FEZ2: variants seen among roughly 807,000 people sequenced by gnomAD.
FEZ2 encodes fasciculation and elongation protein zeta 2.
A neutral mutation model predicts 40.4 loss-of-function variants in FEZ2; 51 were observed. The observed-to-expected ratio is 1.26, with a 90% CI of 1.01 to 1.59. The LOEUF (loss-of-function observed/expected upper bound fraction) is 1.59. Ranked by LOEUF, FEZ2 falls within the 40% of genes most tolerant of loss-of-function variation. FEZ2 has a pLI of 0.00. For missense variants in FEZ2, 640 were observed against 438.3 expected, an observed-to-expected ratio of 1.46 and a Z score of -4.11; for synonymous variants, 242 against 172.0, an observed-to-expected ratio of 1.41 and a Z score of -3.18.
chr2:36,583,071 A>G (rs1249949386), intron 3 of FEZ2, among the ~76,000 whole-genome samples: 1 of 152,210 alleles, frequency 6.6e-6, no homozygotes, highest in East Asian at 1.9e-4. Flanking sequence ...GAAATTCACA[A>G]TATTTTTCTG....
chr2:36,566,602 G>T (rs1040157700), intron 5 of FEZ2, among the ~76,000 whole-genome samples: 8 of 152,202 alleles, frequency 5.3e-5, no homozygotes, highest in Non-Finnish European at 1.0e-4. Flanking sequence ...ACGCTACAGC[G>T]ATCATTACCA....
At chr2:36,554,117 G>A (rs775108729) in intron 7 of FEZ2, 1 of 429,978 alleles carries the variant, frequency 2.3e-6, no homozygotes, top group Non-Finnish European at 4.8e-6. Context: ...CACAACACAT[G>A]CACACAGACA....
At chr2:36,560,397 TC>T (rs1483018416) in intron 5 of FEZ2, among the ~76,000 whole-genome samples, 7 of 152,112 alleles carry the variant, frequency 4.6e-5, no homozygotes, top group Non-Finnish European at 1.0e-4. Flanking sequence ...CTGGCCTTCT[TC>T]CCCCAAAAAT....
chr2:36,564,736 G>C (rs1192028385), intron 5 of FEZ2, among the ~76,000 whole-genome samples: 1 of 152,038 alleles, frequency 6.6e-6, no homozygotes, highest in Non-Finnish European at 1.5e-5. Flanking sequence ...TCTTCTCAGA[G>C]AACAAAACCA....
chr2:36,572,894 A>G (rs371156872), intron 5 of FEZ2, among the ~76,000 whole-genome samples: 13 of 152,162 alleles, frequency 8.5e-5, no homozygotes, highest in South Asian at 8.3e-4. Context: ...GAAAGAGTGT[A>G]TATCATCTAA....
intron 3 of FEZ2, 131 bp downstream of exon 3, chr2:36,583,222 T>C (rs1668802881): frequency 3.3e-6 from 2 of 601,064 alleles, no homozygotes; most frequent in East Asian, 5.5e-5. Flanking sequence ...GAGTTAACTA[T>C]TAAGCCTGTA....
At chr2:36,589,003 T>G (rs1227257546) in intron 2 of FEZ2, among the ~76,000 whole-genome samples, 1 of 152,252 alleles carries the variant, frequency 6.6e-6, no homozygotes, top group Non-Finnish European at 1.5e-5. Flanking sequence ...CATTCTGCAT[T>G]ATTTTAAATA....
intron 6 of FEZ2, 81 bp downstream of exon 6, chr2:36,558,357 A>G: frequency 1.2e-6 from 1 of 823,778 alleles, no homozygotes; most frequent in Non-Finnish European, 1.9e-6. Flanking sequence ...AACACTAACA[A>G]CAAAATCAGC....
In FEZ2 at chr2:36,591,116, A is replaced by T. The variant is rs1053478931; in HGVS notation, c.267-105T>A. On this transcript the variant is annotated intron_variant, in intron 1 of 7. Coordinates refer to ENST00000405912, the MANE Select transcript of FEZ2 (RefSeq NM_005102.3). The stretch of plus-strand genomic sequence containing the variant: ...ACAGCAAATGTCAAAGGAAACAGAG[A>T]AAAACAGACAGCACATTGTTTCTCA... 18 of 714,020 alleles carry T rather than the reference A, an allele frequency of 2.5e-5. No individual in the cohort carries two copies. The African/African-American group carries it at 3.2e-4, about 13-fold the overall frequency. 44.2% of individuals were successfully genotyped at this position (714,020 alleles called of 1,614,324 possible). A position where few individuals can be genotyped will look rare whatever the true frequency, so the allele number is the denominator to read the frequency against.
chr2:36,573,839 C>T (rs995760705), intron 5 of FEZ2, among the ~76,000 whole-genome samples: 2 of 152,218 alleles, frequency 1.3e-5, no homozygotes, highest in African/African-American at 2.4e-5. Context: ...TATTCAAAAG[C>T]TCTTAATATC....
At chr2:36,554,141 A>T (rs1667894206) in intron 7 of FEZ2, 4 of 455,620 alleles carry the variant, frequency 8.8e-6, no homozygotes, top group Non-Finnish European at 1.8e-5. Flanking sequence ...CATCAGAAGC[A>T]GGTACAGTAT....
At chr2:36,585,105 G>A (rs57670037) in intron 2 of FEZ2, among the ~76,000 whole-genome samples, 61,329 of 150,776 alleles carry the variant, frequency 0.41, 12,755 homozygotes, top group East Asian at 0.63. Flanking sequence ...TCCAGGGAGG[G>A]AAAAAAAAAT....
intron 2 of FEZ2, among the ~76,000 whole-genome samples, chr2:36,584,417 T>G (rs1668841266): frequency 6.6e-6 from 1 of 152,154 alleles, no homozygotes; most frequent in African/African-American, 2.4e-5. Context: ...CACACCAATA[T>G]AAACAGCCTT....
chr2:36,590,884 G>A lies in FEZ2; in HGVS notation c.375+19C>T, dbSNP rs1669051486. The A allele has an allele frequency of 7.6e-7, 1 of 1,322,080 alleles. No individual in the cohort carries two copies. The highest frequency in any genetic ancestry group is 1.1e-6 in the Non-Finnish European group (1 of 914,064). The allele number at this position is 1,322,080 out of a possible 1,614,324, so 81.9% of individuals were successfully genotyped here. ...CAGCATCAGTTATTCAAACACTATT[G>A]GTTCAATTCCTAACTTACCCCTTTT... On this transcript the variant is annotated intron_variant, in intron 2 of 7. Transcript: ENST00000405912.
At chr2:36,568,439 A>C (rs1202289971) in intron 5 of FEZ2, among the ~76,000 whole-genome samples, 1 of 152,234 alleles carries the variant, frequency 6.6e-6, no homozygotes, top group Non-Finnish European at 1.5e-5. Flanking sequence ...CAGAAAACCC[A>C]ATCCTCCCTC....
At chr2:36,560,666 TTTTA>T in intron 5 of FEZ2, 1 of 575,644 alleles carries the variant, frequency 1.7e-6, no homozygotes, top group Non-Finnish European at 3.1e-6. Context: ...TATAATAAAC[TTTTA>T]TTTCTCTCGT....
At chr2:36,561,000 A>G in intron 5 of FEZ2, 1 of 517,670 alleles carries the variant, frequency 1.9e-6, no homozygotes, top group South Asian at 4.0e-5. Flanking sequence ...ATCCAGATAA[A>G]GCACATAAAC....
At chr2:36,597,567 AGGAGG>A (rs1669263436) in intron 1 of FEZ2, among the ~76,000 whole-genome samples, 1 of 91,362 alleles carries the variant, frequency 1.1e-5, no homozygotes, top group Non-Finnish European at 2.2e-5. Flanking sequence ...GAGGTGCCCC[AGGAGG>A]TGCCGTCTCT....
At chr2:36,576,967 C>T (rs1056820346) in intron 5 of FEZ2, among the ~76,000 whole-genome samples, 1 of 152,188 alleles carries the variant, frequency 6.6e-6, no homozygotes, top group African/African-American at 2.4e-5. Context: ...CAGAAATTAC[C>T]AACCATGCTA....
Sources: gnomAD v4.1 joint callset for allele counts (sites outside exome capture counted in the v4.1 genomes callset) on GRCh38, gnomAD v4.1.1 for gene constraint, MANE v1.5 for transcripts, NCBI Gene and HGNC (gene_info 2026-07-23, HGNC 2026-07-21) for gene names.